The following PDAP1 variants were observed in gnomAD, a reference collection of about 807,000 sequenced individuals.
PDAP1 encodes the protein 28 kDa heat- and acid-stable phosphoprotein.
A neutral mutation model predicts 28.0 loss-of-function variants in PDAP1; 13 were observed. The observed-to-expected ratio is 0.46, with a 90% CI of 0.30 to 0.74. The LOEUF (loss-of-function observed/expected upper bound fraction) is 0.74. Among genes scored for constraint, PDAP1 ranks in the 30% least tolerant of loss-of-function variants. PDAP1 has a pLI of 0.07. For missense variants in PDAP1, 150 were observed against 230.0 expected (o/e 0.65, Z 2.25); for synonymous variants, 77 against 85.1 (o/e 0.91, Z 0.52).
At position 99,397,991 on chromosome 7, in the gene PDAP1, C is replaced by T. The variant is rs1027249243; in HGVS notation, c.358G>A (p.Ala120Thr). The T allele has an allele frequency of 1.2e-6, 2 of 1,614,120 alleles. No homozygotes were observed. The highest frequency in any genetic ancestry group is 2.7e-5 in the African/African-American group (2 of 74,952). The change falls in exon 5 of 6, where the codon GCA (alanine) becomes ACA (threonine). Residue 120 changes from alanine (A) to threonine (T), a missense_variant. By Grantham distance (58) the Ala-to-Thr change is moderately conservative (BLOSUM62 0). Transcript: ENST00000350498. ...REREEIEKQK[A>T]KERYMKMHLA... ...TGCATTTTCATGTAACGCTCTTTTG[C>T]CTTCTGCTTCTCAATCTCTTCTCTG...
rs374498265 is a variant in PDAP1, at chr7:99,396,694, G to A, written c.534C>T (p.Ser178=). The A allele has an allele frequency of 2.0e-5, 32 of 1,611,614 alleles. No individual in the cohort carries two copies. Among genetic ancestry groups the A allele is most frequent in the Non-Finnish European group, 2.6e-5 (31 of 1,179,568 alleles). The stretch of plus-strand genomic sequence containing the variant: ...CCACGGGTCGCAGTTACTTATTCAG[G>A]GAGAGTGACTGCATTCGTTTTCCTG... ...TLSGKRMQSL[S]LNK is the part of the protein sequence containing the mutation. The change falls in exon 6 of 6, where the codon TCC becomes TCT. Residue 178 remains serine (S), a synonymous_variant. Coordinates refer to ENST00000350498, the MANE Select transcript of PDAP1 (RefSeq NM_014891.7).
At chr7:99,399,899 G>A (rs1238948017) in intron 4 of PDAP1, among the ~76,000 whole-genome samples, 1 of 152,226 alleles carries the variant, frequency 6.6e-6, no homozygotes, top group Admixed American at 6.5e-5. Flanking sequence ...GCGCTGGGCT[G>A]GACTGCCTTC....
intron 5 of PDAP1, 148 bp downstream of exon 5, chr7:99,397,711 GGGA>G: frequency 1.2e-6 from 1 of 839,992 alleles, no homozygotes. Context: ...GGCAGGCACA[GGGA>G]GGGTGGCCCT....
chr7:99,400,276 GA>G, intron 4 of PDAP1, 26 bp downstream of exon 4: 1 of 1,612,186 alleles, frequency 6.2e-7, no homozygotes, highest in Non-Finnish European at 8.5e-7. Flanking sequence ...TATTCCCCGT[GA>G]CACAAGGCCC....
chr7:99,405,652 G>A (rs944453441), intron 1 of PDAP1, among the ~76,000 whole-genome samples: 4 of 152,020 alleles, frequency 2.6e-5, no homozygotes, highest in Admixed American at 6.6e-5. Context: ...GTGAGCCACC[G>A]CGCCCAGCCA....
At chr7:99,403,668 G>A (rs1794920678) in intron 2 of PDAP1, 163 bp from the exon 3 acceptor site, 2 of 687,902 alleles carry the variant, frequency 2.9e-6, no homozygotes, top group South Asian at 1.5e-5. Flanking sequence ...CCCAGGGAAT[G>A]GGACCTGGGC....
Position 99,394,785 on chromosome 7 carries a change from A to T in PDAP1, c.*1897T>A. On this transcript the variant is annotated 3_prime_UTR_variant, in exon 6 of 6. Coordinates refer to ENST00000350498, the MANE Select transcript of PDAP1 (RefSeq NM_014891.7). ...GTAATAAAATGCAACTGTGTAAAAAAAAAAAAAAAAAAAAAAGTAATTATG... is the reference window on the plus strand; with the variant it reads ...GTAATAAAATGCAACTGTGTAAAAATAAAAAAAAAAAAAAAAGTAATTATG... The T allele has an allele frequency of 1.6e-6, 2 of 1,221,340 alleles. No homozygotes were observed. The highest frequency in any genetic ancestry group is 2.0e-6 in the Non-Finnish European group (2 of 979,876). The allele number at this position is 1,221,340 out of a possible 1,614,324, so 75.7% of individuals were successfully genotyped here. A position where few individuals can be genotyped will look rare whatever the true frequency, so the allele number is the denominator to read the frequency against.
intron 5 of PDAP1, 66 bp downstream of exon 5, chr7:99,397,796 A>C: frequency 6.3e-7 from 1 of 1,575,982 alleles, no homozygotes; most frequent in Non-Finnish European, 8.7e-7. Flanking sequence ...ACACGAGTTC[A>C]GTGCTTTGTG....
Position 99,408,543 on chromosome 7 carries a change from A to G in PDAP1, c.6T>C (p.Pro2=), listed in dbSNP as rs902434151. The change falls in exon 1 of 6, where the codon CCT becomes CCC. Residue 2 remains proline, a synonymous_variant. Transcript: ENST00000350498. M[P]KGGRKGGHKG... is the part of the protein sequence containing the mutation. Reference sequence around the variant, plus strand: ...CCGGCGCCCGCCCCTCACCTCCTTTAGGCATTGCGGCTCCGGCGGCTGCGG... The same window carrying G: ...CCGGCGCCCGCCCCTCACCTCCTTTGGGCATTGCGGCTCCGGCGGCTGCGG... 8.5e-6 allele frequency: 11 copies of G among 1,289,042 alleles called. No individual in the cohort carries two copies. Among genetic ancestry groups the G allele is most frequent in the Non-Finnish European group, 9.8e-6 (10 of 1,016,656 alleles). 79.9% of individuals were successfully genotyped at this position (1,289,042 alleles called of 1,614,324 possible).
intron 4 of PDAP1, among the ~76,000 whole-genome samples, chr7:99,398,708 A>C (rs571121933): frequency 6.6e-6 from 1 of 152,254 alleles, no homozygotes; most frequent in Non-Finnish European, 1.5e-5. Context: ...TATCTCTAAA[A>C]AATACAAACA....
chr7:99,400,587 G>A (rs1400847594), intron 3 of PDAP1, among the ~76,000 whole-genome samples, 163 bp from the exon 4 acceptor site: 1 of 152,140 alleles, frequency 6.6e-6, no homozygotes, highest in South Asian at 2.1e-4. Flanking sequence ...ATAGCTCTCT[G>A]GAGCATCTTC....
In PDAP1 at chr7:99,403,421, C is replaced by T; in HGVS notation, c.190G>A (p.Glu64Lys). The change falls in exon 3 of 6, where the codon GAG (glutamate) becomes AAG (lysine). Residue 64 changes from glutamate (E) to lysine (K), a missense_variant. By Grantham distance (56) the Glu-to-Lys change is moderately conservative. Transcript: ENST00000350498. ...EKKSLDSDES[E>K]DEEDDYQQKR... ...ACCTGGTAGTCATCTTCTTCATCCT[C>T]ACTCTCATCTGAGTCTAGAGATTTC... 4 of 1,604,288 alleles carry T rather than the reference C, an allele frequency of 2.5e-6. No individual in the cohort carries two copies. Among genetic ancestry groups the T allele is most frequent in the Non-Finnish European group, 3.4e-6 (4 of 1,171,008 alleles).
chr7:99,403,574 AC>A, intron 2 of PDAP1, 69 bp from the exon 3 acceptor site: 2 of 954,180 alleles, frequency 2.1e-6, no homozygotes, highest in Non-Finnish European at 3.4e-6. Context: ...TGACCCTATC[AC>A]CCCCCAGACT....
At position 99,396,292 on chromosome 7, in the gene PDAP1, A is replaced by G; in HGVS notation, c.*390T>C. The G allele has an allele frequency of 3.0e-6, 1 of 331,402 alleles. No individual in the cohort carries two copies. Among genetic ancestry groups the G allele is most frequent in the South Asian group, 2.3e-5 (1 of 43,010 alleles). The allele number at this position is 331,402 out of a possible 1,614,324, so 20.5% of individuals were successfully genotyped here. ...GGCAACACAGTCCGGGGCTGTGTGT[A>G]GCAAACCTGTCAGCAGCTGCCTCCT... On this transcript the variant is annotated 3_prime_UTR_variant, in exon 6 of 6. Coordinates refer to ENST00000350498, the MANE Select transcript of PDAP1 (RefSeq NM_014891.7).
chr7:99,406,546 G>GT, intron 1 of PDAP1: 1 of 983,936 alleles, frequency 1.0e-6, no homozygotes, highest in Non-Finnish European at 1.2e-6. Flanking sequence ...AGCAGTTAAA[G>GT]TGTCAGTTTT....
Position 99,396,495 on chromosome 7 carries a change from T to TA in PDAP1, c.*186_*187insT. The TA allele has an allele frequency of 2.8e-6, 1 of 352,392 alleles. No individual in the cohort carries two copies. Among genetic ancestry groups the TA allele is most frequent in the Admixed American group, 3.5e-5 (1 of 28,490 alleles). 21.8% of individuals were successfully genotyped at this position (352,392 alleles called of 1,614,324 possible). A position where few individuals can be genotyped will look rare whatever the true frequency, so the allele number is the denominator to read the frequency against. On this transcript the variant is annotated 3_prime_UTR_variant, in exon 6 of 6. Coordinates refer to ENST00000350498, the MANE Select transcript of PDAP1 (RefSeq NM_014891.7). The stretch of plus-strand genomic sequence containing the variant: ...CTGTCTCAAAGATAGCAGCTACCCC[T>TA]CCCCCAGTCCCCCCCCCCATCCCCC...
intron 5 of PDAP1, among the ~76,000 whole-genome samples, chr7:99,397,262 G>A (rs1794785208): frequency 6.6e-6 from 1 of 152,144 alleles, no homozygotes; most frequent in South Asian, 2.1e-4. Context: ...AGATGGACAT[G>A]TAGGGGCTCT....
intron 3 of PDAP1, among the ~76,000 whole-genome samples, chr7:99,402,442 C>G (rs1411759629): frequency 1.3e-5 from 2 of 151,284 alleles, no homozygotes; most frequent in African/African-American, 4.9e-5. Context: ...CCTATCTCTA[C>G]AAAAAATTTA....
chr7:99,396,754 G>A lies in PDAP1; in HGVS notation c.488-14C>T, dbSNP rs1794774140. 1 of 1,610,194 alleles carries A rather than the reference G, an allele frequency of 6.2e-7. No homozygotes were observed. The highest frequency in any genetic ancestry group is 8.5e-7 in the Non-Finnish European group (1 of 1,177,594). On this transcript the variant is annotated splice_polypyrimidine_tract_variant and intron_variant, in intron 5 of 5. Transcript: ENST00000350498. The stretch of plus-strand genomic sequence containing the variant: ...CATCGTCTTTTGCTGAGGGGTGGGA[G>A]AAGGGCAGGGGTTAAAACAAAGCAA...
Sources: gnomAD v4.1 joint callset for allele counts (sites outside exome capture counted in the v4.1 genomes callset) on GRCh38, gnomAD v4.1.1 for gene constraint, MANE v1.5 for transcripts, NCBI Gene and HGNC (gene_info 2026-07-23, HGNC 2026-07-21) for gene names.